Variants in RYR2 observed in about 807,000 individuals in gnomAD.
RYR2 encodes ryanodine receptor 2, also known as cardiac muscle ryanodine receptor-calcium release channel.
In RYR2, 227 loss-of-function variants were observed where a neutral mutation model predicts 601.1. That is an observed-to-expected ratio of 0.38 (90% CI 0.34 to 0.42). RYR2 has a LOEUF of 0.42. Among genes scored for constraint, RYR2 ranks in the 10% least tolerant of loss-of-function variants. The pLI is 1.00. For missense variants in RYR2, 4,646 were observed against 6,156.5 expected (o/e 0.75, Z 8.21); for synonymous variants, 2,223 against 2,175.1 (o/e 1.02, Z -0.61).
chr1:237,266,674 G>A (rs1288234989), intron 1 of RYR2, among the ~76,000 whole-genome samples: 2 of 152,198 alleles, frequency 1.3e-5, no homozygotes, highest in Non-Finnish European at 2.9e-5. Context: ...TAAAATAGAA[G>A]CAGCTCCTGG....
intron 17 of RYR2, among the ~76,000 whole-genome samples, chr1:237,486,823 C>T (rs1487181868): frequency 6.6e-6 from 1 of 151,986 alleles, no homozygotes. Flanking sequence ...TAGGTAATAA[C>T]TTCTGGTCTT....
chr1:237,467,015 A>G (rs971668821), intron 16 of RYR2, among the ~76,000 whole-genome samples: 1 of 151,282 alleles, frequency 6.6e-6, no homozygotes, highest in Non-Finnish European at 1.5e-5. Context: ...GGCTTACTTT[A>G]TAATTTTCTT....
chr1:237,595,682 T>G (rs1360654272), intron 34 of RYR2, 25 bp downstream of exon 34: 6 of 1,568,710 alleles, frequency 3.8e-6, no homozygotes, highest in Non-Finnish European at 5.2e-6. Context: ...ATGATATCAG[T>G]CTTCTAGGGA....
At chr1:237,639,707 A>G (rs568200883) in intron 46 of RYR2, among the ~76,000 whole-genome samples, 1 of 152,158 alleles carries the variant, frequency 6.6e-6, no homozygotes, top group Non-Finnish European at 1.5e-5. Context: ...ACTATCTTAC[A>G]TTTATCTGTA....
At chr1:237,628,103 C>T (rs1679867550) in intron 41 of RYR2, 23 bp downstream of exon 41, 1 of 1,606,672 alleles carries the variant, frequency 6.2e-7, no homozygotes, top group East Asian at 2.2e-5. Context: ...ACTACTACAA[C>T]CCTTTGTCTC....
intron 67 of RYR2, among the ~76,000 whole-genome samples, chr1:237,706,259 CA>C (rs1218615737): frequency 1.3e-5 from 2 of 151,526 alleles, no homozygotes; most frequent in Non-Finnish European, 2.9e-5. Context: ...GCAGCAACAA[CA>C]AAAAAAGTTC....
At chr1:237,556,467 A>ATTTTT (rs34327081) in intron 27 of RYR2, among the ~76,000 whole-genome samples, 2 of 139,600 alleles carry the variant, frequency 1.4e-5, no homozygotes, top group Non-Finnish European at 3.1e-5. Flanking sequence ...GGCCCGGCTA[A>ATTTTT]TTTTTTTTTT....
chr1:237,431,201 A>G (rs1706771304), intron 12 of RYR2, among the ~76,000 whole-genome samples: 1 of 152,192 alleles, frequency 6.6e-6, no homozygotes, highest in African/African-American at 2.4e-5. Flanking sequence ...ATCACAGTAT[A>G]TTTTTAATTT....
At chr1:237,376,272 C>T (rs1238077095) in intron 7 of RYR2, among the ~76,000 whole-genome samples, 1 of 152,118 alleles carries the variant, frequency 6.6e-6, no homozygotes, top group East Asian at 1.9e-4. Flanking sequence ...TAAGAAAAAA[C>T]ACAGATTACA....
At chr1:237,506,498 A>C (rs962906502) in intron 22 of RYR2, among the ~76,000 whole-genome samples, 4 of 151,740 alleles carry the variant, frequency 2.6e-5, no homozygotes, top group African/African-American at 7.3e-5. Context: ...AGATCGCGCC[A>C]CTGCACTCCA....
intron 1 of RYR2, among the ~76,000 whole-genome samples, chr1:237,244,860 C>G (rs1217198966): frequency 6.6e-6 from 1 of 152,106 alleles, no homozygotes; most frequent in Non-Finnish European, 1.5e-5. Flanking sequence ...ATTGTCAAAG[C>G]CCTTTATAGC....
chr1:237,224,793 G>A (rs929292527), intron 1 of RYR2, among the ~76,000 whole-genome samples: 1 of 152,122 alleles, frequency 6.6e-6, no homozygotes, highest in Non-Finnish European at 1.5e-5. Context: ...CCAGGAGTTG[G>A]AGGCTGCAGT....
chr1:237,501,743 A>G (rs1664662120), intron 21 of RYR2, among the ~76,000 whole-genome samples: 1 of 152,208 alleles, frequency 6.6e-6, no homozygotes, highest in South Asian at 2.1e-4. Flanking sequence ...TATTTATACA[A>G]ATTATGTTTC....
intron 1 of RYR2, among the ~76,000 whole-genome samples, chr1:237,261,650 C>A (rs1688535446): frequency 1.3e-5 from 2 of 152,194 alleles, no homozygotes; most frequent in African/African-American, 2.4e-5. Context: ...AATCCCAGCA[C>A]TTTGGGAGGC....
chr1:237,782,178 C>CTTTTTTTTTTTTT (rs35521596), intron 89 of RYR2, among the ~76,000 whole-genome samples: 4 of 119,146 alleles, frequency 3.4e-5, no homozygotes, highest in African/African-American at 6.2e-5. Flanking sequence ...TTTGTTATTG[C>CTTTTTTTTTTTTT]TTTTTTTTTT....
chr1:237,753,526 A>G (rs73101985), intron 80 of RYR2, among the ~76,000 whole-genome samples: 8,928 of 152,298 alleles, frequency 0.059, 322 homozygotes, highest in Non-Finnish European at 0.085. Flanking sequence ...ACCATATTCG[A>G]CCTTGGAAAA....
In RYR2 at chr1:237,500,807, C is replaced by G. The variant is rs749979131; in HGVS notation, c.2300C>G (p.Ser767Trp). The G allele has an allele frequency of 2.5e-6, 4 of 1,613,998 alleles. No homozygotes were observed. In the East Asian group the frequency reaches 6.7e-5, roughly 27 times the overall value. ...CCLDLSAPSI[S>W]FRINGQPVQG... ...TTAGATCTGAGTGCCCCAAGCATCT[C>G]GTTCCGAATTAATGGACAACCTGTT... The change falls in exon 21 of 105, where the codon TCG (serine) becomes TGG (tryptophan). Residue 767 changes from serine (S) to tryptophan (W), a missense_variant. Physicochemically the swap from Ser to Trp is radical, Grantham distance 177. Around this residue, in one of 17 missense-constraint regions of RYR2, gnomAD observed 1,807 missense variants for 2,088.1 expected, o/e 0.87. Coordinates refer to ENST00000366574, the MANE Select transcript of RYR2 (RefSeq NM_001035.3).
chr1:237,130,741 G>A (rs1426800705), intron 1 of RYR2, among the ~76,000 whole-genome samples: 1 of 152,048 alleles, frequency 6.6e-6, no homozygotes, highest in Non-Finnish European at 1.5e-5. Flanking sequence ...AGTAGACTAA[G>A]GTGATCCTGG....
intron 17 of RYR2, among the ~76,000 whole-genome samples, chr1:237,474,849 C>G (rs146792023): frequency 6.6e-6 from 1 of 152,226 alleles, no homozygotes; most frequent in Admixed American, 6.5e-5. Context: ...CCTGAGTGGT[C>G]GATGGCATGG....
Sources: gnomAD v4.1 joint callset for allele counts (sites outside exome capture counted in the v4.1 genomes callset) on GRCh38, gnomAD v4.1.1 for gene constraint, gnomAD v4.1.1 regional missense constraint, MANE v1.5 for transcripts, NCBI Gene and HGNC (gene_info 2026-07-23, HGNC 2026-07-21) for gene names.